The following THSD4 variants were observed in gnomAD, a reference collection of about 807,000 sequenced individuals.
THSD4 encodes the protein thrombospondin type-1 domain-containing protein 4.
THSD4 carries 69 observed loss-of-function variants against 119.0 expected under a neutral mutation model. The observed-to-expected ratio is 0.58, with a 90% CI of 0.48 to 0.71. THSD4 has a LOEUF of 0.71. Among genes scored for constraint, THSD4 ranks in the 30% least tolerant of loss-of-function variants. The pLI is 0.00. For synonymous variants in THSD4, 524 were observed against 540.4 expected (o/e 0.97, Z 0.42); for missense variants, 1,393 against 1,391.1 (o/e 1.00, Z -0.02).
At chr15:71,288,299 G>A (rs2044745578) in intron 6 of THSD4, among the ~76,000 whole-genome samples, 1 of 152,096 alleles carries the variant, frequency 6.6e-6, no homozygotes, top group Non-Finnish European at 1.5e-5. Context: ...CAGCAACAAG[G>A]AAATACCAGC....
intron 6 of THSD4, among the ~76,000 whole-genome samples, chr15:71,388,697 G>A (rs2046327303): frequency 6.9e-6 from 1 of 143,894 alleles, no homozygotes; most frequent in Non-Finnish European, 1.6e-5. Flanking sequence ...TGTGTGTAGG[G>A]AGGGAGCAGG....
intron 1 of THSD4, among the ~76,000 whole-genome samples, chr15:71,099,467 T>C (rs2040245033): frequency 6.6e-6 from 1 of 152,238 alleles, no homozygotes. Context: ...TATACATACA[T>C]TTAGGATTGC....
intron 7 of THSD4, among the ~76,000 whole-genome samples, chr15:71,555,750 T>C (rs1289495910): frequency 6.6e-6 from 1 of 152,228 alleles, no homozygotes; most frequent in East Asian, 1.9e-4. Flanking sequence ...TCTAAAATTA[T>C]TGAGGTTTTG....
intron 1 of THSD4, among the ~76,000 whole-genome samples, chr15:71,131,470 A>G (rs770793090): frequency 7.1e-6 from 1 of 141,324 alleles, no homozygotes; most frequent in African/African-American, 2.6e-5. Context: ...ACTCCATCTG[A>G]AAAAAAAAAA....
At chr15:71,723,458 A>G (rs1286962032) in intron 8 of THSD4, among the ~76,000 whole-genome samples, 1 of 152,124 alleles carries the variant, frequency 6.6e-6, no homozygotes, top group Non-Finnish European at 1.5e-5. Flanking sequence ...TTTTCTGTGA[A>G]TTGCCTATTT....
upstream of THSD4, chr15:71,111,072 T>A: frequency 6.8e-7 from 1 of 1,467,460 alleles, no homozygotes; most frequent in Non-Finnish European, 9.2e-7. Flanking sequence ...AGTATTATCA[T>A]TTGCAAAGAG....
chr15:71,515,554 G>T (rs764045997), intron 7 of THSD4, among the ~76,000 whole-genome samples: 35 of 152,128 alleles, frequency 2.3e-4, no homozygotes, highest in Non-Finnish European at 5.0e-4. Context: ...ATTGAGGGGG[G>T]CTCAATCTCT....
At chr15:71,278,913 T>C (rs2044620971) in intron 6 of THSD4, among the ~76,000 whole-genome samples, 2 of 152,194 alleles carry the variant, frequency 1.3e-5, no homozygotes, top group Admixed American at 6.5e-5. Flanking sequence ...TTGGGCTGAG[T>C]TGAGTTTTGT....
At chr15:71,131,824 T>C (rs1369846212) in intron 1 of THSD4, among the ~76,000 whole-genome samples, 1 of 152,192 alleles carries the variant, frequency 6.6e-6, no homozygotes, top group Admixed American at 6.5e-5. Flanking sequence ...CTCAGTCCTC[T>C]ATGCCTTCTC....
At chr15:71,486,956 G>A (rs997393259) in intron 7 of THSD4, among the ~76,000 whole-genome samples, 1 of 152,136 alleles carries the variant, frequency 6.6e-6, no homozygotes, top group African/African-American at 2.4e-5. Flanking sequence ...CTGCCCACCA[G>A]TTCAGAAAGC....
chr15:71,567,793 G>A (rs1595891336), intron 7 of THSD4, among the ~76,000 whole-genome samples: 1 of 148,670 alleles, frequency 6.7e-6, no homozygotes, highest in African/African-American at 2.5e-5. Flanking sequence ...GTGTGTGTGT[G>A]TTTGTAGGTG....
chr15:71,459,423 TC>T (rs1216816072), intron 7 of THSD4, among the ~76,000 whole-genome samples: 3 of 151,760 alleles, frequency 2.0e-5, no homozygotes, highest in South Asian at 2.1e-4. Context: ...TCTCTCTCTC[TC>T]GTCAACATGC....
At chr15:71,770,109 G>A (rs527508551) in intron 16 of THSD4, among the ~76,000 whole-genome samples, 3 of 125,504 alleles carry the variant, frequency 2.4e-5, no homozygotes, top group East Asian at 2.1e-4. Context: ...TTAGCTGGGC[G>A]TGGTGGTGCA....
At chr15:71,616,907 AG>A (rs1441176349) in intron 7 of THSD4, among the ~76,000 whole-genome samples, 13 of 152,210 alleles carry the variant, frequency 8.5e-5, no homozygotes, top group African/African-American at 2.4e-4. Flanking sequence ...TCTCCTCGAA[AG>A]CTTCATTTAC....
intron 10 of THSD4, chr15:71,734,001 G>T (rs944939221): frequency 2.7e-5 from 4 of 148,634 alleles, no homozygotes; most frequent in African/African-American, 9.9e-5. Context: ...CTGAAATGGG[G>T]TCTCGCTATG....
chr15:71,351,685 A>G (rs1194000033), intron 6 of THSD4, among the ~76,000 whole-genome samples: 1 of 152,224 alleles, frequency 6.6e-6, no homozygotes, highest in African/African-American at 2.4e-5. Flanking sequence ...GACTGTCACC[A>G]GTGAGTGGAG....
chr15:71,394,276 T>C (rs990744400), intron 6 of THSD4, among the ~76,000 whole-genome samples: 4 of 145,910 alleles, frequency 2.7e-5, no homozygotes, highest in African/African-American at 1.0e-4. Flanking sequence ...CTTTTTTTTT[T>C]TTTTTTTTTT....
At chr15:71,394,372 A>G (rs1180049831) in intron 6 of THSD4, among the ~76,000 whole-genome samples, 1 of 147,986 alleles carries the variant, frequency 6.8e-6, no homozygotes, top group Non-Finnish European at 1.5e-5. Flanking sequence ...TCCTGGGTTC[A>G]AGCGATTCTC....
intron 7 of THSD4, among the ~76,000 whole-genome samples, chr15:71,649,424 A>G (rs1567081364): frequency 6.6e-6 from 1 of 151,896 alleles, no homozygotes; most frequent in African/African-American, 2.4e-5. Context: ...ACAGGTGCCC[A>G]CCAACATGCC....
Sources: gnomAD v4.1 joint callset for allele counts (sites outside exome capture counted in the v4.1 genomes callset) on GRCh38, gnomAD v4.1.1 for gene constraint, MANE v1.5 for transcripts, NCBI Gene and HGNC (gene_info 2026-07-23, HGNC 2026-07-21) for gene names.